The following FGF2 variants were observed in gnomAD, a reference collection of about 807,000 sequenced individuals.
FGF2 encodes basic fibroblast growth factor bFGF.
In FGF2, 13 loss-of-function variants were observed where a neutral mutation model predicts 15.9. The ratio of observed to expected loss-of-function variants is 0.82; its 90% CI spans 0.53 to 1.30. FGF2 has a LOEUF of 1.30. Ranked by LOEUF, FGF2 falls within the 50% of genes most tolerant of loss-of-function variation. The pLI is 0.00. For missense variants in FGF2, 163 were observed against 196.9 expected (o/e 0.83, Z 1.03); for synonymous variants, 90 against 78.4 (o/e 1.15, Z -0.78).
intron 1 of FGF2, among the ~76,000 whole-genome samples, chr4:122,871,448 C>CT (rs1726729959): frequency 6.6e-6 from 1 of 151,998 alleles, no homozygotes; most frequent in Non-Finnish European, 1.5e-5. Flanking sequence ...TCATAGGAGT[C>CT]TAAGTCTCTT....
intron 1 of FGF2, among the ~76,000 whole-genome samples, chr4:122,863,212 A>G (rs2150777367): frequency 6.6e-6 from 1 of 152,264 alleles, no homozygotes; most frequent in Non-Finnish European, 1.5e-5. Flanking sequence ...GTGTAGACTT[A>G]TTTCAGTCAC....
chr4:122,857,755 C>T (rs1726371024), intron 1 of FGF2, among the ~76,000 whole-genome samples: 1 of 152,188 alleles, frequency 6.6e-6, no homozygotes, highest in African/African-American at 2.4e-5. Flanking sequence ...ATCAGCTGTA[C>T]ATCTTTAAAT....
chr4:122,850,936 C>T (rs1053636561), intron 1 of FGF2, among the ~76,000 whole-genome samples: 2 of 152,158 alleles, frequency 1.3e-5, no homozygotes, highest in African/African-American at 2.4e-5. Flanking sequence ...AATGTATACA[C>T]TATAGCTATT....
chr4:122,879,169 T>G (rs1726913900), intron 2 of FGF2, among the ~76,000 whole-genome samples: 1 of 152,258 alleles, frequency 6.6e-6, no homozygotes, highest in Non-Finnish European at 1.5e-5. Flanking sequence ...TTGCCTTTTA[T>G]TCTGCCAATC....
chr4:122,859,107 C>T (rs767175636), intron 1 of FGF2, among the ~76,000 whole-genome samples: 1 of 152,076 alleles, frequency 6.6e-6, no homozygotes, highest in African/African-American at 2.4e-5. Context: ...TATCTTAGTA[C>T]CCTAAATTGA....
chr4:122,846,918 A>C (rs753731520), intron 1 of FGF2, among the ~76,000 whole-genome samples: 1 of 152,172 alleles, frequency 6.6e-6, no homozygotes, highest in Non-Finnish European at 1.5e-5. Context: ...TTTTGCCGTC[A>C]GTCACACGAT....
intron 2 of FGF2, among the ~76,000 whole-genome samples, chr4:122,879,270 T>G (rs1726916451): frequency 6.6e-6 from 1 of 152,164 alleles, no homozygotes; most frequent in Non-Finnish European, 1.5e-5. Flanking sequence ...AATAAGTAAT[T>G]TTGGATGACT....
rs45519534 is a variant in FGF2 at position 122,851,917 on chromosome 4, T to C, written c.179-24404T>C. Reference sequence around the variant, plus strand: ...TAAATATTAGTTTCCTCATCTATTATATAGGGATACTAGCTGATAATAGCT... The same window carrying C: ...TAAATATTAGTTTCCTCATCTATTACATAGGGATACTAGCTGATAATAGCT... On this transcript the variant is annotated intron_variant, in intron 1 of 2. Coordinates refer to ENST00000644866, the MANE Select transcript of FGF2 (RefSeq NM_001361665.2). Among the ~76,000 whole-genome samples, 904 of 152,340 alleles carry C rather than the reference T, an allele frequency of 5.9e-3. 10 individuals are homozygous for C. The highest frequency in any genetic ancestry group is 0.021 in the African/African-American group (858 of 41,568).
intron 1 of FGF2, among the ~76,000 whole-genome samples, chr4:122,858,811 A>G (rs75816439): frequency 2.0e-5 from 3 of 152,190 alleles, no homozygotes; most frequent in Non-Finnish European, 1.5e-5. Context: ...AGAAAAAAAA[A>G]CAGTGGTTAT....
chr4:122,841,932 T>C (rs568630741), intron 1 of FGF2, among the ~76,000 whole-genome samples: 2 of 152,278 alleles, frequency 1.3e-5, no homozygotes, highest in South Asian at 4.2e-4. Context: ...TTACACCTAC[T>C]TTGAATATTT....
At chr4:122,890,271 T>C (rs926870028) in intron 2 of FGF2, among the ~76,000 whole-genome samples, 3 of 152,230 alleles carry the variant, frequency 2.0e-5, no homozygotes, top group African/African-American at 4.8e-5. Flanking sequence ...TTCACTCTTA[T>C]CACATTTGAA....
At chr4:122,844,155 C>A (rs1726052885) in intron 1 of FGF2, among the ~76,000 whole-genome samples, 3 of 152,186 alleles carry the variant, frequency 2.0e-5, no homozygotes. Flanking sequence ...ATGTAATATT[C>A]TAAATCCTTT....
intron 2 of FGF2, among the ~76,000 whole-genome samples, chr4:122,889,302 G>T (rs139013497): frequency 2.0e-5 from 3 of 152,128 alleles, no homozygotes; most frequent in Non-Finnish European, 4.4e-5. Context: ...GGTACAAGTT[G>T]TTATAAGCCC....
chr4:122,882,042 T>A (rs1726969840), intron 2 of FGF2: 1 of 152,246 alleles, frequency 6.6e-6, no homozygotes, highest in Admixed American at 6.5e-5. Context: ...CCATAAGATC[T>A]CATGAGACTT....
intron 1 of FGF2, among the ~76,000 whole-genome samples, chr4:122,873,007 A>G (rs1451810600): frequency 3.9e-5 from 6 of 152,236 alleles, no homozygotes; most frequent in Non-Finnish European, 4.4e-5. Flanking sequence ...TGACGACAGA[A>G]TCAAATTCAC....
chr4:122,895,593 C>T lies in FGF2; in HGVS notation c.*3197C>T, dbSNP rs1050991146. 2.0e-5 allele frequency: 3 copies of T among 152,104 alleles called. No individual in the cohort carries two copies. The highest frequency in any genetic ancestry group is 4.8e-5 in the African/African-American group (2 of 41,410). The allele number at this position is 152,104 out of a possible 1,614,324, so 9.4% of individuals were successfully genotyped here. A position where few individuals can be genotyped will look rare whatever the true frequency, so the allele number is the denominator to read the frequency against. Reference sequence around the variant, plus strand: ...GATACTCTTCCTGCCAGTGGTAATACGATTTTTTAAGAAGGCAGTTTGTCA... The same window carrying T: ...GATACTCTTCCTGCCAGTGGTAATATGATTTTTTAAGAAGGCAGTTTGTCA... On this transcript the variant is annotated 3_prime_UTR_variant, in exon 3 of 3. Coordinates refer to ENST00000644866, the MANE Select transcript of FGF2 (RefSeq NM_001361665.2).
intron 1 of FGF2, among the ~76,000 whole-genome samples, chr4:122,862,938 C>T (rs1726501813): frequency 6.6e-6 from 1 of 152,202 alleles, no homozygotes; most frequent in African/African-American, 2.4e-5. Context: ...TCTAGGGAGT[C>T]ATCTCCGGCT....
At chr4:122,828,346 T>A (rs1017723887) in intron 1 of FGF2, among the ~76,000 whole-genome samples, 1 of 152,222 alleles carries the variant, frequency 6.6e-6, no homozygotes, top group Admixed American at 6.5e-5. Context: ...TTTACAACAC[T>A]GATGGAATTT....
rs533203153 is a variant in FGF2 at position 122,856,525 on chromosome 4, T to C, written c.179-19796T>C. 7.2e-5 allele frequency among the ~76,000 whole-genome samples: 11 copies of C among 152,344 alleles called. 1 individual carries two copies. The South Asian group carries it at 2.3e-3, about 32-fold the overall frequency. Reference sequence around the variant, plus strand: ...ATCTTATTTATATTGCTTAGCTTCTTTCTCTCAAGTAATTTCTAGATCTTA... The same window carrying C: ...ATCTTATTTATATTGCTTAGCTTCTCTCTCTCAAGTAATTTCTAGATCTTA... On this transcript the variant is annotated intron_variant, in intron 1 of 2. Coordinates refer to ENST00000644866, the MANE Select transcript of FGF2 (RefSeq NM_001361665.2).
Sources: allele counts gnomAD v4.1 joint callset (sites outside exome capture counted in the v4.1 genomes callset), GRCh38; gene constraint gnomAD v4.1.1; transcripts MANE v1.5; gene names NCBI Gene and HGNC (gene_info 2026-07-23, HGNC 2026-07-21).